AMPH: variants seen among roughly 807,000 people sequenced by gnomAD.
AMPH encodes amphiphysin (Stiff-Mann syndrome with breast cancer 128kD autoantigen).
A neutral mutation model predicts 99.1 loss-of-function variants in AMPH; 49 were observed. That is an observed-to-expected ratio of 0.49 (90% CI 0.39 to 0.63). The LOEUF (loss-of-function observed/expected upper bound fraction) is 0.63, where lower values mean the gene tolerates loss of function less well. Ranked by LOEUF, AMPH falls within the 20% of genes least tolerant of loss-of-function variation. The pLI is 0.00. For missense variants in AMPH, 759 were observed against 863.4 expected (o/e 0.88, Z 1.52); for synonymous variants, 314 against 317.3 (o/e 0.99, Z 0.11).
At chr7:38,582,128 T>C (rs1194249157) in intron 1 of AMPH, among the ~76,000 whole-genome samples, 1 of 151,984 alleles carries the variant, frequency 6.6e-6, no homozygotes, top group Non-Finnish European at 1.5e-5. Flanking sequence ...GCCTGAGCCA[T>C]GGGAAACTCC....
intron 11 of AMPH, among the ~76,000 whole-genome samples, chr7:38,450,673 A>G (rs114159378): frequency 1.9e-3 from 295 of 152,160 alleles, no homozygotes; most frequent in African/African-American, 6.7e-3. Flanking sequence ...AGATGGTGAG[A>G]CTGTTCTTTT....
intron 7 of AMPH, among the ~76,000 whole-genome samples, chr7:38,474,674 G>T (rs1320882680): frequency 6.6e-6 from 1 of 152,086 alleles, no homozygotes; most frequent in Non-Finnish European, 1.5e-5. Flanking sequence ...GGGAGCATGA[G>T]GATGCTGACA....
chr7:38,468,653 G>T (rs968292686), intron 7 of AMPH, among the ~76,000 whole-genome samples: 1 of 152,132 alleles, frequency 6.6e-6, no homozygotes, highest in African/African-American at 2.4e-5. Context: ...TCCAATTTAT[G>T]AAGTCAGAGA....
At chr7:38,468,477 C>G (rs1787751648) in intron 7 of AMPH, among the ~76,000 whole-genome samples, 1 of 152,074 alleles carries the variant, frequency 6.6e-6, no homozygotes, top group South Asian at 2.1e-4. Context: ...CTTAAGTTGT[C>G]AAATCAATTA....
At chr7:38,388,656 T>C (rs765809263) in intron 20 of AMPH, among the ~76,000 whole-genome samples, 2 of 150,748 alleles carry the variant, frequency 1.3e-5, no homozygotes, top group Non-Finnish European at 3.0e-5. Context: ...TTTTTGTTTT[T>C]TGAGACGGGG....
chr7:38,534,828 C>A lies in AMPH; in HGVS notation c.150+103G>T, dbSNP rs1331883334. On this transcript the variant is annotated intron_variant, in intron 2 of 20. Transcript: ENST00000356264. ...AGTGTTACTCTCAAGTTAGTGCCAACTCCATCTAGTCTTTTTTTAATCTTA... is the reference window on the plus strand; with the variant it reads ...AGTGTTACTCTCAAGTTAGTGCCAAATCCATCTAGTCTTTTTTTAATCTTA... 8.3e-6 allele frequency: 8 copies of A among 959,406 alleles called. No individual in the cohort carries two copies. The Admixed American group carries it at 1.6e-4, about 19-fold the overall frequency. The allele number at this position is 959,406 out of a possible 1,614,324, so 59.4% of individuals were successfully genotyped here.
chr7:38,499,679 G>A (rs1789060434), intron 3 of AMPH, among the ~76,000 whole-genome samples: 1 of 152,100 alleles, frequency 6.6e-6, no homozygotes, highest in South Asian at 2.1e-4. Context: ...GCCCATGAAA[G>A]CCTTTGAAAA....
intron 17 of AMPH, among the ~76,000 whole-genome samples, chr7:38,406,972 C>T (rs527619992): frequency 9.1e-4 from 127 of 139,750 alleles, no homozygotes; most frequent in East Asian, 8.6e-4. Flanking sequence ...GATGGCCAAT[C>T]GTGGGACTTT....
rs371535845 is a variant in AMPH, at chr7:38,590,649, G to A, written c.69+40634C>T. On this transcript the variant is annotated intron_variant, in intron 1 of 20. Transcript: ENST00000356264. ...CTCTTAGCCTAATTTGTATTTTAGT[G>A]AGCCCTCTTTACTACCTGATTGGTT... Among the ~76,000 whole-genome samples, 22 of 152,078 alleles carry A rather than the reference G, an allele frequency of 1.4e-4. 1 individual carries two copies. The East Asian group carries it at 1.7e-3, about 12-fold the overall frequency.
Position 38,423,446 on chromosome 7 carries a change from G to C in AMPH, c.1216-969C>G, listed in dbSNP as rs530953883. Among the ~76,000 whole-genome samples the C allele has an allele frequency of 5.3e-5, 8 of 152,306 alleles. No homozygotes were observed. The South Asian group carries it at 1.7e-3, about 32-fold the overall frequency. ...AAATTGACATCAGGGGATGCCTAACGGAAAAGATGAGCCAGTGCCTTTTGG... is the reference window on the plus strand; with the variant it reads ...AAATTGACATCAGGGGATGCCTAACCGAAAAGATGAGCCAGTGCCTTTTGG... On this transcript the variant is annotated intron_variant, in intron 15 of 20. Transcript: ENST00000356264.
chr7:38,508,719 T>C (rs1789426563), intron 2 of AMPH, among the ~76,000 whole-genome samples: 1 of 152,236 alleles, frequency 6.6e-6, no homozygotes, highest in Non-Finnish European at 1.5e-5. Context: ...TGGCCTTTGA[T>C]GACATTTTTC....
intron 17 of AMPH, among the ~76,000 whole-genome samples, chr7:38,409,516 G>A (rs965766458): frequency 2.6e-5 from 4 of 152,098 alleles, no homozygotes; most frequent in African/African-American, 4.8e-5. Context: ...TGGTACCCCC[G>A]GTCCCTAGTA....
intron 2 of AMPH, among the ~76,000 whole-genome samples, chr7:38,534,598 C>G (rs1353565760): frequency 6.6e-6 from 1 of 152,154 alleles, no homozygotes; most frequent in Non-Finnish European, 1.5e-5. Context: ...TCACCTGAAT[C>G]CAAGGATGTT....
Position 38,598,093 on chromosome 7 carries a change from C to T in AMPH, c.69+33190G>A, listed in dbSNP as rs139944349. 1.9e-4 allele frequency among the ~76,000 whole-genome samples: 29 copies of T among 152,250 alleles called. No homozygotes were observed. In the East Asian group the frequency reaches 4.8e-3, roughly 25 times the overall value. The stretch of plus-strand genomic sequence containing the variant: ...AGATTTATTGAATGATTCTTACATA[C>T]CTTTGACTTTATGTTTTAACTTTCC... On this transcript the variant is annotated intron_variant, in intron 1 of 20. Coordinates refer to ENST00000356264, the MANE Select transcript of AMPH (RefSeq NM_001635.4).
chr7:38,461,266 C>G lies in AMPH; in HGVS notation c.1017+17G>C. On this transcript the variant is annotated intron_variant, in intron 11 of 20. Coordinates refer to ENST00000356264, the MANE Select transcript of AMPH (RefSeq NM_001635.4). ...TGGGACTTTCATGGACATACCAGCC[C>G]TGAACCAGGCACTTACCTGGGAAGG... The G allele has an allele frequency of 6.2e-7, 1 of 1,613,324 alleles. No homozygotes were observed. The highest frequency in any genetic ancestry group is 8.5e-7 in the Non-Finnish European group (1 of 1,179,734).
chr7:38,527,392 CAT>C (rs1790227890), intron 2 of AMPH, among the ~76,000 whole-genome samples: 1 of 152,210 alleles, frequency 6.6e-6, no homozygotes, highest in Non-Finnish European at 1.5e-5. Flanking sequence ...GAATATAGTA[CAT>C]CTTTCCAAGT....
At chr7:38,493,936 T>A (rs1395304849) in intron 4 of AMPH, among the ~76,000 whole-genome samples, 1 of 152,166 alleles carries the variant, frequency 6.6e-6, no homozygotes, top group Non-Finnish European at 1.5e-5. Context: ...TCTACCCAAG[T>A]GGTTTTATGA....
chr7:38,386,402 A>C (rs925376967), intron 20 of AMPH, among the ~76,000 whole-genome samples: 4 of 152,244 alleles, frequency 2.6e-5, no homozygotes, highest in African/African-American at 4.8e-5. Flanking sequence ...TGTTTCAATA[A>C]AGAAAACAAG....
At chr7:38,597,294 T>C (rs1793093646) in intron 1 of AMPH, among the ~76,000 whole-genome samples, 1 of 151,998 alleles carries the variant, frequency 6.6e-6, no homozygotes, top group Non-Finnish European at 1.5e-5. Context: ...CAGGAATCTG[T>C]CATCATGAAA....
Sources: allele counts gnomAD v4.1 joint callset (sites outside exome capture counted in the v4.1 genomes callset), GRCh38; gene constraint gnomAD v4.1.1; transcripts MANE v1.5; gene names NCBI Gene and HGNC (gene_info 2026-07-23, HGNC 2026-07-21).